The following RASSF3 variants were observed in gnomAD, a reference collection of about 807,000 sequenced individuals.
RASSF3 encodes the protein Ras association domain family member 3.
RASSF3 carries 19 observed loss-of-function variants against 19.9 expected under a neutral mutation model. The observed-to-expected ratio is 0.96, with a 90% CI of 0.67 to 1.40. The LOEUF is 1.40. Ranked by LOEUF, RASSF3 falls within the 40% of genes most tolerant of loss-of-function variation. RASSF3 has a pLI of 0.00. For synonymous variants in RASSF3, 110 were observed against 104.2 expected, an observed-to-expected ratio of 1.06 and a Z score of -0.34; for missense variants, 306 against 289.8, an observed-to-expected ratio of 1.06 and a Z score of -0.41.
chr12:64,580,659 G>T (rs1869679774), intron 2 of RASSF3, among the ~76,000 whole-genome samples: 1 of 151,282 alleles, frequency 6.6e-6, no homozygotes, highest in Admixed American at 6.6e-5. Flanking sequence ...GAGTCTAGAA[G>T]CCCAAATCAA....
At chr12:64,530,871 G>A (rs1044698937), upstream of RASSF3, among the ~76,000 whole-genome samples, 2 of 152,024 alleles carry the variant, frequency 1.3e-5, no homozygotes, top group Admixed American at 6.6e-5. Context: ...GTCTTTTTTT[G>A]TGAAGTCTGT....
At chr12:64,614,228 C>T (rs982474471) in intron 1 of RASSF3, among the ~76,000 whole-genome samples, 31 of 150,658 alleles carry the variant, frequency 2.1e-4, no homozygotes, top group African/African-American at 4.6e-4. Context: ...CCGTCTCCCG[C>T]GTGCAAACGA....
chr12:64,647,712 C>T (rs550985786), intron 1 of RASSF3, among the ~76,000 whole-genome samples: 4 of 151,832 alleles, frequency 2.6e-5, no homozygotes, highest in Non-Finnish European at 4.4e-5. Flanking sequence ...CGCCCGGCCC[C>T]GGCCTTGTAT....
chr12:64,670,354 C>A (rs1592458902), intron 1 of RASSF3, among the ~76,000 whole-genome samples: 1 of 136,814 alleles, frequency 7.3e-6, no homozygotes, highest in East Asian at 2.1e-4. Context: ...AGCCTTTTTC[C>A]CTCCTAGATT....
At chr12:64,649,248 A>G (rs1871852980) in intron 1 of RASSF3, among the ~76,000 whole-genome samples, 1 of 150,670 alleles carries the variant, frequency 6.6e-6, no homozygotes, top group Non-Finnish European at 1.5e-5. Context: ...GCTGGAGTGC[A>G]GTGGCGCGAT....
rs1485428971 is a variant in RASSF3 at position 64,684,007 on chromosome 12, A to AGTGT, written c.112-779_112-778insTGTG. On this transcript the variant is annotated intron_variant, in intron 1 of 4. Coordinates refer to ENST00000542104, the MANE Select transcript of RASSF3 (RefSeq NM_178169.4). ...GAGAGAAGGAGAGAGAGAGAGAGAG[A>AGTGT]GAGTGAGTGTGTGTGTGTGTGTGTG... Among the ~76,000 whole-genome samples the AGTGT allele has an allele frequency of 3.1e-4, 23 of 73,508 alleles. 1 individual carries two copies. The highest frequency in any genetic ancestry group is 9.3e-4 in the African/African-American group (22 of 23,596). The allele number at this position is 73,508 out of a possible 152,430, so 48.2% of individuals were successfully genotyped here.
At chr12:64,624,950 AGCCACCGC>A (rs1362547101) in intron 1 of RASSF3, among the ~76,000 whole-genome samples, 7 of 151,852 alleles carry the variant, frequency 4.6e-5, no homozygotes, top group Non-Finnish European at 7.4e-5. Flanking sequence ...TACAGGCGTG[AGCCACCGC>A]GCCTGGCCAG....
chr12:64,670,564 G>C (rs937655273), intron 1 of RASSF3, among the ~76,000 whole-genome samples: 2 of 135,348 alleles, frequency 1.5e-5, no homozygotes, highest in African/African-American at 2.7e-5. Flanking sequence ...TTTTTTTTGT[G>C]GGGGGGATCT....
intron 1 of RASSF3, among the ~76,000 whole-genome samples, chr12:64,613,225 A>C (rs1192174059): frequency 6.6e-6 from 1 of 152,172 alleles, no homozygotes; most frequent in Non-Finnish European, 1.5e-5. Context: ...CTTCATTTTC[A>C]TGCTGATGAT....
intron 1 of RASSF3, among the ~76,000 whole-genome samples, chr12:64,674,655 A>T (rs1261286283): frequency 6.6e-6 from 1 of 152,184 alleles, no homozygotes; most frequent in Non-Finnish European, 1.5e-5. Flanking sequence ...CAAGGCATAG[A>T]AGGTGTTGTG....
chr12:64,554,826 G>A (rs973066553), intron 2 of RASSF3, among the ~76,000 whole-genome samples: 6 of 152,156 alleles, frequency 3.9e-5, no homozygotes, highest in South Asian at 2.1e-4. Flanking sequence ...GGACTTTGCC[G>A]CCTTCACCAT....
At chr12:64,652,019 T>C (rs1255637636) in intron 1 of RASSF3, among the ~76,000 whole-genome samples, 3 of 152,228 alleles carry the variant, frequency 2.0e-5, no homozygotes, top group African/African-American at 7.2e-5. Context: ...TAGATATTCT[T>C]ATTTGGAATT....
chr12:64,689,799 T>TTTTTTTTTTTTTTTTTA, intron 3 of RASSF3, among the ~76,000 whole-genome samples: 1 of 137,384 alleles, frequency 7.3e-6, no homozygotes, highest in Non-Finnish European at 1.6e-5. Flanking sequence ...TTCTTTTTTT[T>TTTTTTTTTTTTTTTTTA]TTTTTGAGAC....
At chr12:64,659,843 G>C (rs903913990) in intron 1 of RASSF3, among the ~76,000 whole-genome samples, 12 of 152,048 alleles carry the variant, frequency 7.9e-5, no homozygotes, top group African/African-American at 2.9e-4. Context: ...AGCTAGTCGG[G>C]AGGCTGAGGC....
intron 2 of RASSF3, among the ~76,000 whole-genome samples, chr12:64,569,704 G>A (rs989097527): frequency 2.6e-5 from 4 of 152,314 alleles, no homozygotes; most frequent in East Asian, 1.9e-4. Flanking sequence ...AGTGGCTCAC[G>A]CCTGTAATCC....
Position 64,507,325 on chromosome 12 carries a change from TG to T in RASSF3, c.169+1del, listed in dbSNP as rs1868297914. ...AATCCAAGCTGCTCTGGAGCCAAGG[TG>T]GGGGTAAGTTACCTCAGGCTAATGC... On this transcript the variant is annotated frameshift_variant, in exon 1 of 6. Coordinates refer to the RASSF3 transcript ENST00000637125. LOFTEE classifies it high-confidence loss of function. The T allele has an allele frequency of 7.5e-6, 3 of 398,426 alleles. No individual in the cohort carries two copies. The highest frequency in any genetic ancestry group is 2.1e-5 in the African/African-American group (1 of 48,594). 24.7% of individuals were successfully genotyped at this position (398,426 alleles called of 1,614,324 possible). A position where few individuals can be genotyped will look rare whatever the true frequency, so the allele number is the denominator to read the frequency against.
In RASSF3 at chr12:64,586,455, A is replaced by G. The variant is rs754866918; in HGVS notation, c.294+44750A>G. 8.6e-4 allele frequency among the ~76,000 whole-genome samples: 114 copies of G among 132,850 alleles called. 1 individual carries two copies. The highest frequency in any genetic ancestry group is 1.5e-3 in the Non-Finnish European group (98 of 65,110). 87.2% of individuals were successfully genotyped at this position (132,850 alleles called of 152,430 possible). ...CAGTGAACTGAGATTGTGCCACTGC[A>G]CTCCAGCCCAAGCAACAGAGCAAGA... On this transcript the variant is annotated intron_variant, in intron 2 of 5. Transcript: ENST00000637125.
rs1456743462 is a variant in RASSF3, at chr12:64,622,389, G to A, written c.111+11646G>A. 2.4e-5 allele frequency: 12 copies of A among 501,886 alleles called. 1 individual carries two copies. The highest frequency in any genetic ancestry group is 1.0e-4 in the African/African-American group (5 of 50,120). The allele number at this position is 501,886 out of a possible 1,614,324, so 31.1% of individuals were successfully genotyped here. ...CTAACTTATTTTGTAAGTATACTAG[G>A]TATTGAAAAAAGGATGGTAGGACAA... is the stretch of plus-strand genomic sequence containing the variant. On this transcript the variant is annotated intron_variant, in intron 1 of 4. Transcript: ENST00000542104.
At chr12:64,643,627 T>A (rs975392335) in intron 1 of RASSF3, among the ~76,000 whole-genome samples, 1 of 151,976 alleles carries the variant, frequency 6.6e-6, no homozygotes, top group African/African-American at 2.4e-5. Flanking sequence ...TCATTAAATA[T>A]AAGAATAGGA....
Sources: gnomAD v4.1 joint callset for allele counts (sites outside exome capture counted in the v4.1 genomes callset) on GRCh38, gnomAD v4.1.1 for gene constraint, MANE v1.5 for transcripts, NCBI Gene and HGNC (gene_info 2026-07-23, HGNC 2026-07-21) for gene names.